Variants in DLG2 observed in about 807,000 individuals in gnomAD.
DLG2 encodes disks large homolog 2.
Under a neutral mutation model 132.5 loss-of-function variants are expected in DLG2, and 45 were observed. That is an observed-to-expected ratio of 0.34 (90% CI 0.27 to 0.44). The LOEUF is 0.44. Among genes scored for constraint, DLG2 ranks in the 20% least tolerant of loss-of-function variants. The pLI is 1.00. For missense variants in DLG2, 1,045 were observed against 1,196.9 expected (o/e 0.87, Z 1.87); for synonymous variants, 424 against 419.6 (o/e 1.01, Z -0.13).
Position 85,425,172 on chromosome 11 carries a change from T to G in DLG2, c.41-139807A>C, listed in dbSNP as rs572106841. On this transcript the variant is annotated intron_variant, in intron 3 of 27. Transcript: ENST00000376104. ...GGTCTTCTGATAGATGTTAATTTTC[T>G]AAGGTTTAAAGCAGAACATCTCAAA... is the stretch of plus-strand genomic sequence containing the variant. 3.3e-5 allele frequency among the ~76,000 whole-genome samples: 5 copies of G among 152,336 alleles called. No individual in the cohort carries two copies. The South Asian group carries it at 6.2e-4, about 19-fold the overall frequency.
chr11:84,176,831 T>C (rs2095982995), intron 8 of DLG2, among the ~76,000 whole-genome samples: 1 of 152,136 alleles, frequency 6.6e-6, no homozygotes, highest in African/African-American at 2.4e-5. Flanking sequence ...TAACAGTTCA[T>C]GCTCAAGCAT....
At chr11:85,579,149 T>G (rs1383401450) in intron 3 of DLG2, among the ~76,000 whole-genome samples, 1 of 152,116 alleles carries the variant, frequency 6.6e-6, no homozygotes, top group African/African-American at 2.4e-5. Context: ...AACCAAATAT[T>G]GCATGTTCTC....
chr11:83,608,751 AAGAGAG>A (rs35660113), intron 19 of DLG2, among the ~76,000 whole-genome samples: 2 of 151,176 alleles, frequency 1.3e-5, no homozygotes, highest in Admixed American at 1.3e-4. Flanking sequence ...GAGAGAGAGA[AAGAGAG>A]AGAGAGATCC....
intron 7 of DLG2, among the ~76,000 whole-genome samples, chr11:84,410,900 G>A (rs991746159): frequency 2.6e-5 from 4 of 151,960 alleles, no homozygotes; most frequent in African/African-American, 9.7e-5. Flanking sequence ...ATTTTTAAGA[G>A]CTTATGGATC....
At chr11:83,987,646 G>A (rs981754734) in intron 11 of DLG2, among the ~76,000 whole-genome samples, 1 of 152,104 alleles carries the variant, frequency 6.6e-6, no homozygotes, top group African/African-American at 2.4e-5. Context: ...CTAGCCATAT[G>A]TAGAAAGCTG....
At chr11:83,662,594 A>G (rs2074570780) in intron 18 of DLG2, among the ~76,000 whole-genome samples, 1 of 152,138 alleles carries the variant, frequency 6.6e-6, no homozygotes, top group African/African-American at 2.4e-5. Context: ...TCCACATGAG[A>G]ATATTTGTCT....
intron 18 of DLG2, among the ~76,000 whole-genome samples, chr11:83,687,060 G>A (rs2079921064): frequency 1.3e-5 from 2 of 152,204 alleles, no homozygotes; most frequent in Non-Finnish European, 2.9e-5. Flanking sequence ...GGAGATGGGA[G>A]TTATGGTGCC....
At chr11:84,316,937 T>A in intron 7 of DLG2, 1 of 1,612,790 alleles carries the variant, frequency 6.2e-7, no homozygotes, top group Admixed American at 1.7e-5. Context: ...CAAGGTCCTG[T>A]TGAAGCTGGA....
intron 23 of DLG2, 41 bp downstream of exon 23, chr11:83,472,686 T>C (rs1330044573): frequency 6.3e-7 from 1 of 1,586,986 alleles, no homozygotes; most frequent in Non-Finnish European, 8.6e-7. Flanking sequence ...TCACCTCTTA[T>C]GGCCCAGAAA....
chr11:84,486,096 C>A (rs942275769), intron 7 of DLG2, among the ~76,000 whole-genome samples: 1 of 151,962 alleles, frequency 6.6e-6, no homozygotes, highest in Non-Finnish European at 1.5e-5. Context: ...AATTATATAC[C>A]CCTGTCACCT....
chr11:83,500,484 C>T (rs1033981489), intron 21 of DLG2, among the ~76,000 whole-genome samples: 3 of 152,264 alleles, frequency 2.0e-5, no homozygotes, highest in South Asian at 2.1e-4. Context: ...TTATCCACCA[C>T]GGCTACATTT....
chr11:85,376,690 G>A (rs770380852), intron 3 of DLG2, among the ~76,000 whole-genome samples: 30 of 152,072 alleles, frequency 2.0e-4, no homozygotes, highest in Non-Finnish European at 2.2e-4. Flanking sequence ...AATTCCTTAC[G>A]GTATTTCAAG....
chr11:84,060,762 C>A lies in DLG2; in HGVS notation c.750-1278G>T, dbSNP rs887665985. 5.9e-5 allele frequency among the ~76,000 whole-genome samples: 9 copies of A among 152,238 alleles called. No homozygotes were observed. In the East Asian group the frequency reaches 1.7e-3, roughly 29 times the overall value. On this transcript the variant is annotated intron_variant, in intron 10 of 27. Transcript: ENST00000376104. Reference sequence around the variant, plus strand: ...TTCTAGTGTCCCCAATCTCAGATCACCATGTTGCTCAGAGTCAAAAATGAG... The same window carrying A: ...TTCTAGTGTCCCCAATCTCAGATCAACATGTTGCTCAGAGTCAAAAATGAG...
At chr11:84,760,518 T>G (rs1056919073) in intron 6 of DLG2, among the ~76,000 whole-genome samples, 2 of 152,234 alleles carry the variant, frequency 1.3e-5, no homozygotes, top group African/African-American at 4.8e-5. Context: ...CTCTTTAATC[T>G]CTGCTTCTAA....
intron 8 of DLG2, among the ~76,000 whole-genome samples, chr11:84,244,512 G>C (rs1371208996): frequency 1.3e-5 from 2 of 152,182 alleles, no homozygotes; most frequent in Non-Finnish European, 2.9e-5. Flanking sequence ...GCAGTTAAGA[G>C]TAGGGATTCT....
intron 7 of DLG2, among the ~76,000 whole-genome samples, chr11:84,312,432 T>C (rs1373525885): frequency 6.6e-6 from 1 of 152,218 alleles, no homozygotes. Context: ...TGAAATGAGG[T>C]GGCACCATGG....
chr11:83,941,483 C>T lies in DLG2; in HGVS notation c.1341-11000G>A, dbSNP rs143197687. On this transcript the variant is annotated intron_variant, in intron 14 of 27. Coordinates refer to ENST00000376104, the MANE Select transcript of DLG2 (RefSeq NM_001142699.3). ...CAATCTCAACTCACTGCAACCTCTG[C>T]CTCCTGGGTTCAAGCCATTCTCCCA... is the stretch of plus-strand genomic sequence containing the variant. 1.5e-3 allele frequency among the ~76,000 whole-genome samples: 231 copies of T among 152,196 alleles called. 1 individual carries two copies. Among genetic ancestry groups the T allele is most frequent in the African/African-American group, 5.2e-3 (215 of 41,530 alleles).
chr11:83,658,475 TAAAC>T (rs1203702067), intron 18 of DLG2, among the ~76,000 whole-genome samples: 1 of 152,232 alleles, frequency 6.6e-6, no homozygotes, highest in Non-Finnish European at 1.5e-5. Context: ...ACAATGATAA[TAAAC>T]AGTTATTCTT....
At chr11:85,283,885 A>AG (rs1218527969) in intron 4 of DLG2, among the ~76,000 whole-genome samples, 1 of 150,182 alleles carries the variant, frequency 6.7e-6, no homozygotes, top group Non-Finnish European at 1.5e-5. Context: ...TGAAACAGTT[A>AG]GAAAAAAAAA....
Sources: allele counts gnomAD v4.1 joint callset (sites outside exome capture counted in the v4.1 genomes callset), GRCh38; gene constraint gnomAD v4.1.1; transcripts MANE v1.5; gene names NCBI Gene and HGNC (gene_info 2026-07-23, HGNC 2026-07-21).